The following LRRC4C variants were observed in gnomAD, a reference collection of about 807,000 sequenced individuals.
The protein encoded by LRRC4C is leucine rich repeat containing 4C, also known as leucine-rich repeat-containing protein 4C.
A neutral mutation model predicts 33.6 loss-of-function variants in LRRC4C; 5 were observed. That is an observed-to-expected ratio of 0.15 (90% CI 0.08 to 0.31). The LOEUF (loss-of-function observed/expected upper bound fraction) is 0.31, where lower values mean the gene tolerates loss of function less well. LRRC4C is among the 10% of genes least tolerant of loss of function. LRRC4C has a pLI of 1.00. For missense variants in LRRC4C, 560 were observed against 796.7 expected (o/e 0.70, Z 3.58); for synonymous variants, 329 against 302.0 (o/e 1.09, Z -0.93).
chr11:41,126,457 G>A, intron 1 of LRRC4C, among the ~76,000 whole-genome samples: 1 of 151,996 alleles, frequency 6.6e-6, no homozygotes, highest in Non-Finnish European at 1.5e-5. Flanking sequence ...ATCAATCTTG[G>A]TGACATGTTT....
intron 1 of LRRC4C, among the ~76,000 whole-genome samples, chr11:40,948,297 T>C (rs557053091): frequency 6.6e-6 from 1 of 152,198 alleles, no homozygotes; most frequent in East Asian, 1.9e-4. Flanking sequence ...GAACATAGAG[T>C]TCGTGGGTTT....
At position 40,116,150 on chromosome 11, in the gene LRRC4C, G is replaced by C; in HGVS notation, c.143C>G (p.Pro48Arg). 2 of 1,613,914 alleles carry C rather than the reference G, an allele frequency of 1.2e-6. No individual in the cohort carries two copies. The highest frequency in any genetic ancestry group is 1.7e-6 in the Non-Finnish European group (2 of 1,179,982). The part of the protein sequence containing the change: ...VAGLVRAQTC[P>R]SVCSCSNQFS... ...CTGGTTGCTGCAGGAGCACACAGAA[G>C]GGCAGGTCTGAGCCCGCACCAGACC... The change falls in exon 7 of 7, where the codon CCT becomes CGT. Residue 48 changes from proline to arginine, a missense_variant. Pro to Arg is a moderately radical substitution (Grantham distance 103). Coordinates refer to ENST00000528697, the MANE Select transcript of LRRC4C (RefSeq NM_001258419.2).
At chr11:40,355,680 G>C (rs1302475761) in intron 3 of LRRC4C, among the ~76,000 whole-genome samples, 1 of 152,104 alleles carries the variant, frequency 6.6e-6, no homozygotes, top group East Asian at 1.9e-4. Context: ...GCACCATGCT[G>C]TGCTGCTGAG....
chr11:41,434,110 A>T (rs7928654), intron 1 of LRRC4C, among the ~76,000 whole-genome samples: 2,839 of 152,170 alleles, frequency 0.019, 96 homozygotes, highest in African/African-American at 0.065. Flanking sequence ...TGGTCCATAG[A>T]TATTCAGCAG....
intron 5 of LRRC4C, among the ~76,000 whole-genome samples, chr11:40,147,152 C>A (rs1565051248): frequency 6.6e-6 from 1 of 152,138 alleles, no homozygotes; most frequent in Non-Finnish European, 1.5e-5. Flanking sequence ...GCCCTTCTCT[C>A]AATTTAATAG....
intron 6 of LRRC4C, among the ~76,000 whole-genome samples, chr11:40,136,806 C>G (rs1173933405): frequency 6.6e-6 from 1 of 152,156 alleles, no homozygotes; most frequent in Non-Finnish European, 1.5e-5. Flanking sequence ...GCCTGTAGCA[C>G]CATTACTTGA....
intron 1 of LRRC4C, among the ~76,000 whole-genome samples, chr11:41,167,960 T>G (rs1935834423): frequency 6.6e-6 from 1 of 152,114 alleles, no homozygotes; most frequent in Admixed American, 6.6e-5. Context: ...AAAATGCAAA[T>G]CAAGTGGTCC....
chr11:41,056,633 C>T (rs1486599724), intron 1 of LRRC4C, among the ~76,000 whole-genome samples: 2 of 152,096 alleles, frequency 1.3e-5, no homozygotes, highest in Admixed American at 6.6e-5. Context: ...AAGAAGACAT[C>T]TATGTGGTCA....
intron 1 of LRRC4C, among the ~76,000 whole-genome samples, chr11:41,130,023 G>T (rs1942938164): frequency 6.6e-6 from 1 of 151,906 alleles, no homozygotes; most frequent in Admixed American, 6.6e-5. Flanking sequence ...GTCCATAGGA[G>T]ACTAGATCCT....
chr11:41,221,213 C>A (rs1302740832), intron 1 of LRRC4C, among the ~76,000 whole-genome samples: 1 of 151,440 alleles, frequency 6.6e-6, no homozygotes, highest in Non-Finnish European at 1.5e-5. Flanking sequence ...CAAAAAACAA[C>A]CTCATAAAAA....
At chr11:40,741,640 GCAAAT>G (rs1458492413) in intron 2 of LRRC4C, among the ~76,000 whole-genome samples, 10 of 152,016 alleles carry the variant, frequency 6.6e-5, no homozygotes, top group African/African-American at 2.4e-4. Context: ...TTGGCACAGA[GCAAAT>G]ATTGCCTTGT....
chr11:41,278,725 C>G lies in LRRC4C; in HGVS notation c.-496+180706G>C, dbSNP rs1949559857. Among the ~76,000 whole-genome samples the G allele has an allele frequency of 2.0e-5, 3 of 152,172 alleles. No homozygotes were observed. The South Asian group carries it at 6.2e-4, about 32-fold the overall frequency. ...TGCTGAAGTGGAGGCTCCTGGTGCC[C>G]CACCCAGATTCTCTTACCAACAGTT... On this transcript the variant is annotated intron_variant, in intron 1 of 6. Coordinates refer to ENST00000528697, the MANE Select transcript of LRRC4C (RefSeq NM_001258419.2).
rs534463091 is a variant in LRRC4C, at chr11:40,305,237, C to T, written c.-176+14391G>A. Among the ~76,000 whole-genome samples the T allele has an allele frequency of 2.0e-5, 3 of 152,316 alleles. No individual in the cohort carries two copies. In the South Asian group the frequency reaches 6.2e-4, roughly 32 times the overall value. The stretch of plus-strand genomic sequence containing the variant: ...CTCTCAAGCAACTCAATTGGCTACC[C>T]CATGTCTATTGCAACATTTTAATTT... On this transcript the variant is annotated intron_variant, in intron 4 of 6. Coordinates refer to ENST00000528697, the MANE Select transcript of LRRC4C (RefSeq NM_001258419.2).
At chr11:41,011,845 T>TATTATATTATATTATATTAC (rs1268626154) in intron 1 of LRRC4C, among the ~76,000 whole-genome samples, 24 of 147,954 alleles carry the variant, frequency 1.6e-4, no homozygotes, top group African/African-American at 5.2e-4. Context: ...TATTATATTA[T>TATTATATTATATTATATTAC]ATTATGTTAC....
intron 3 of LRRC4C, among the ~76,000 whole-genome samples, chr11:40,474,348 A>C (rs1953101221): frequency 6.6e-6 from 1 of 152,206 alleles, no homozygotes; most frequent in African/African-American, 2.4e-5. Flanking sequence ...TCCCTATTTA[A>C]TAAATGGTGC....
intron 1 of LRRC4C, among the ~76,000 whole-genome samples, chr11:41,028,747 A>G (rs1446942239): frequency 6.6e-6 from 1 of 151,410 alleles, no homozygotes; most frequent in Non-Finnish European, 1.5e-5. Context: ...CTCTTTATTC[A>G]TGTGTTTGTT....
chr11:41,000,366 G>A (rs879588607), intron 1 of LRRC4C, among the ~76,000 whole-genome samples: 15 of 152,104 alleles, frequency 9.9e-5, no homozygotes, highest in Non-Finnish European at 1.8e-4. Flanking sequence ...CAATTCTCTA[G>A]GTAAGTAAAT....
Position 40,839,035 on chromosome 11 carries a change from A to T in LRRC4C, c.-407+94600T>A, listed in dbSNP as rs1952802049. Among the ~76,000 whole-genome samples the T allele has an allele frequency of 2.0e-5, 3 of 152,174 alleles. No individual in the cohort carries two copies. In the South Asian group the frequency reaches 6.2e-4, roughly 31 times the overall value. On this transcript the variant is annotated intron_variant, in intron 2 of 6. Transcript: ENST00000528697. ...TCCTGAAAAAAGAGACTCACAGAAGAGACCATCAACTTTGCTATATTTTCA... is the reference window on the plus strand; with the variant it reads ...TCCTGAAAAAAGAGACTCACAGAAGTGACCATCAACTTTGCTATATTTTCA...
At chr11:41,138,467 A>G (rs1943361022) in intron 1 of LRRC4C, among the ~76,000 whole-genome samples, 1 of 152,202 alleles carries the variant, frequency 6.6e-6, no homozygotes, top group African/African-American at 2.4e-5. Context: ...GGAGAAGGAC[A>G]TTTTGATAGG....
Sources: allele counts gnomAD v4.1 joint callset (sites outside exome capture counted in the v4.1 genomes callset), GRCh38; gene constraint gnomAD v4.1.1; transcripts MANE v1.5; gene names NCBI Gene and HGNC (gene_info 2026-07-23, HGNC 2026-07-21).